The following MYOZ2 variants were observed in gnomAD, a reference collection of about 807,000 sequenced individuals.
MYOZ2 encodes myozenin-2.
A neutral mutation model predicts 25.4 loss-of-function variants in MYOZ2; 19 were observed. The ratio of observed to expected loss-of-function variants is 0.75; its 90% CI spans 0.52 to 1.10. The LOEUF (loss-of-function observed/expected upper bound fraction) is 1.10. Among genes scored for constraint, MYOZ2 ranks in the 50% least tolerant of loss-of-function variants. The pLI is 0.00. For missense variants in MYOZ2, 270 were observed against 317.9 expected (o/e 0.85, Z 1.15); for synonymous variants, 92 against 106.9 (o/e 0.86, Z 0.86).
Position 119,150,442 on chromosome 4 carries a change from G to A in MYOZ2, c.77-430G>A, listed in dbSNP as rs376097706. 2.0e-5 allele frequency among the ~76,000 whole-genome samples: 3 copies of A among 151,584 alleles called. No individual in the cohort carries two copies. The East Asian group carries it at 5.8e-4, about 29-fold the overall frequency. On this transcript the variant is annotated intron_variant, in intron 2 of 5. Coordinates refer to ENST00000307128, the MANE Select transcript of MYOZ2 (RefSeq NM_016599.5). ...TTTGACCGAGTCTGGGAAATGGGGT[G>A]GGGTGGAGTGGGAGGGTAGGCATTT...
chr4:119,147,812 T>A (rs970896000), intron 2 of MYOZ2, among the ~76,000 whole-genome samples: 1 of 152,142 alleles, frequency 6.6e-6, no homozygotes. Flanking sequence ...GTCTTAAGTA[T>A]TTCTTCTACA....
At chr4:119,149,962 ATTAT>A (rs1741409379) in intron 2 of MYOZ2, among the ~76,000 whole-genome samples, 1 of 152,158 alleles carries the variant, frequency 6.6e-6, no homozygotes, top group South Asian at 2.1e-4. Flanking sequence ...AATCAAAATA[ATTAT>A]TTATTTTCCT....
intron 3 of MYOZ2, among the ~76,000 whole-genome samples, chr4:119,154,894 G>A (rs569204599): frequency 4.3e-5 from 4 of 92,592 alleles, no homozygotes; most frequent in African/African-American, 1.2e-4. Flanking sequence ...CACACACAAT[G>A]CCTTTCTTAG....
intron 1 of MYOZ2, 67 bp from the exon 2 acceptor site, chr4:119,136,445 A>T: frequency 1.5e-6 from 2 of 1,341,988 alleles, no homozygotes; most frequent in South Asian, 1.2e-5. Flanking sequence ...CTTTCAAAAC[A>T]GTGATTATAA....
intron 2 of MYOZ2, among the ~76,000 whole-genome samples, chr4:119,141,980 AGAAGG>A (rs1188365863): frequency 6.6e-6 from 1 of 152,288 alleles, no homozygotes; most frequent in South Asian, 2.1e-4. Flanking sequence ...TTTAACTATT[AGAAGG>A]GAAGGGAAGG....
chr4:119,174,524 T>C (rs566033431), intron 5 of MYOZ2, among the ~76,000 whole-genome samples: 92 of 152,114 alleles, frequency 6.0e-4, no homozygotes, highest in African/African-American at 2.1e-3. Flanking sequence ...ACACTCTGTA[T>C]CTAGCTGCTC....
chr4:119,174,213 T>C (rs1379891928), intron 5 of MYOZ2, among the ~76,000 whole-genome samples: 2 of 152,240 alleles, frequency 1.3e-5, no homozygotes, highest in Non-Finnish European at 2.9e-5. Flanking sequence ...CCTGCAGCCC[T>C]GGTGCGGGAT....
intron 4 of MYOZ2, among the ~76,000 whole-genome samples, chr4:119,162,382 T>G (rs1741729276): frequency 6.6e-6 from 1 of 152,124 alleles, no homozygotes; most frequent in South Asian, 2.1e-4. Context: ...GGGGAAGAGC[T>G]GGCCAGTTAG....
intron 2 of MYOZ2, among the ~76,000 whole-genome samples, chr4:119,143,511 C>A (rs1481269258): frequency 6.6e-6 from 1 of 152,134 alleles, no homozygotes; most frequent in Non-Finnish European, 1.5e-5. Flanking sequence ...TAAATTTCAA[C>A]ATGAGCTTTG....
intron 5 of MYOZ2, among the ~76,000 whole-genome samples, chr4:119,173,835 C>A (rs544998048): frequency 5.6e-4 from 85 of 152,312 alleles, no homozygotes; most frequent in South Asian, 3.7e-3. Context: ...TGCTGGCCAG[C>A]TGGAGTTCTG....
At position 119,187,042 on chromosome 4, in the gene MYOZ2, A is replaced by T. The variant is rs1002256877; in HGVS notation, c.*842A>T. On this transcript the variant is annotated 3_prime_UTR_variant, in exon 6 of 6. Transcript: ENST00000307128. ...ATGTTTGTGAGAGAAGGAAAGAGTA[A>T]GTAATTTGAATTGGCAGCTTTCTTT... is the stretch of plus-strand genomic sequence containing the variant. 1 of 152,192 alleles carries T rather than the reference A, an allele frequency of 6.6e-6. No individual in the cohort carries two copies. Among genetic ancestry groups the T allele is most frequent in the African/African-American group, 2.4e-5 (1 of 41,460 alleles). The allele number at this position is 152,192 out of a possible 1,614,324, so 9.4% of individuals were successfully genotyped here.
In MYOZ2 at chr4:119,138,581, C is replaced by T. The variant is rs555728924; in HGVS notation, c.76+1980C>T. ...AAAATCTGGATAATTTAAGATAAAA[C>T]ATGCAACTGCTTTGATCTTAATTGT... On this transcript the variant is annotated intron_variant, in intron 2 of 5. Coordinates refer to ENST00000307128, the MANE Select transcript of MYOZ2 (RefSeq NM_016599.5). 4.3e-4 allele frequency among the ~76,000 whole-genome samples: 66 copies of T among 152,250 alleles called. 1 individual carries two copies. The highest frequency in any genetic ancestry group is 1.6e-3 in the African/African-American group (65 of 41,568).
chr4:119,164,167 T>C, intron 4 of MYOZ2, 44 bp from the exon 5 acceptor site: 2 of 1,568,368 alleles, frequency 1.3e-6, no homozygotes, highest in Non-Finnish European at 1.8e-6. Flanking sequence ...GGTTAGTAAC[T>C]CTCGGGCACA....
At position 119,185,943 on chromosome 4, in the gene MYOZ2, G is replaced by GT. The variant is rs112369914; in HGVS notation, c.561-13dup. Reference sequence around the variant, plus strand: ...CAAATTTGAATATTAATTGAGATCTGTTTTTTTTTTAATTTCCCACAGGGT... The same window carrying GT: ...CAAATTTGAATATTAATTGAGATCTGTTTTTTTTTTTAATTTCCCACAGGGT... On this transcript the variant is annotated intron_variant, in intron 5 of 5. Coordinates refer to ENST00000307128, the MANE Select transcript of MYOZ2 (RefSeq NM_016599.5). The GT allele has an allele frequency of 0.21, 301,530 of 1,417,560 alleles. 19,521 individuals are homozygous for GT. The highest frequency in any genetic ancestry group is 0.45 in the African/African-American group (31,084 of 69,504). The allele number at this position is 1,417,560 out of a possible 1,614,324, so 87.8% of individuals were successfully genotyped here.
In MYOZ2 at chr4:119,186,079, C is replaced by T. The variant is rs200428820; in HGVS notation, c.674C>T (p.Pro225Leu). ...CCCAGGTTTATGTCCTTTGTCAATC[C>T]CCTTTCTGGCAGACGGTCCTTTAAT... is the stretch of plus-strand genomic sequence containing the variant. ...TDPRFMSFVN[P>L]LSGRRSFNRT... Residue 225 changes from proline to leucine, a missense_variant, in exon 6 of 6, where the codon CCC becomes CTC. Transcript: ENST00000307128. 208 of 1,613,758 alleles carry T rather than the reference C, an allele frequency of 1.3e-4. No homozygotes were observed. The highest frequency in any genetic ancestry group is 1.7e-4 in the Non-Finnish European group (202 of 1,179,916).
intron 5 of MYOZ2, among the ~76,000 whole-genome samples, chr4:119,182,075 T>C (rs1029428757): frequency 6.6e-6 from 1 of 152,226 alleles, no homozygotes; most frequent in African/African-American, 2.4e-5. Flanking sequence ...TTCTCCACTG[T>C]GCATAATAAA....
chr4:119,184,974 A>C (rs988688552), intron 5 of MYOZ2, among the ~76,000 whole-genome samples: 1 of 152,222 alleles, frequency 6.6e-6, no homozygotes, highest in African/African-American at 2.4e-5. Flanking sequence ...AATGTGGCTA[A>C]GAAAGTGGGC....
chr4:119,139,735 C>A (rs539994079), intron 2 of MYOZ2, among the ~76,000 whole-genome samples: 1 of 152,256 alleles, frequency 6.6e-6, no homozygotes, highest in Admixed American at 6.5e-5. Flanking sequence ...TGTTCCCTGA[C>A]TTTAAGCATG....
rs1742304779 is a variant in MYOZ2, at chr4:119,186,958, G to C, written c.*758G>C. ...ATTGATTATGTTCAACTTTATGTGT[G>C]CATTCTTAGAAGAGTAAGAACAAAT... On this transcript the variant is annotated 3_prime_UTR_variant, in exon 6 of 6. Coordinates refer to ENST00000307128, the MANE Select transcript of MYOZ2 (RefSeq NM_016599.5). 6.6e-6 allele frequency: 1 copy of C among 152,148 alleles called. No individual in the cohort carries two copies. The highest frequency in any genetic ancestry group is 2.4e-5 in the African/African-American group (1 of 41,424). 9.4% of individuals were successfully genotyped at this position (152,148 alleles called of 1,614,324 possible). A position where few individuals can be genotyped will look rare whatever the true frequency, so the allele number is the denominator to read the frequency against.
Sources: gnomAD v4.1 joint callset for allele counts (sites outside exome capture counted in the v4.1 genomes callset) on GRCh38, gnomAD v4.1.1 for gene constraint, MANE v1.5 for transcripts, NCBI Gene and HGNC (gene_info 2026-07-23, HGNC 2026-07-21) for gene names.